Variants in ALCAM observed in about 807,000 individuals in gnomAD.
ALCAM encodes CD166 antigen.
In ALCAM, 30 loss-of-function variants were observed where a neutral mutation model predicts 70.9. That is an observed-to-expected ratio of 0.42 (90% CI 0.32 to 0.57). The LOEUF is 0.57. Ranked by LOEUF, ALCAM falls within the 20% of genes least tolerant of loss-of-function variation. ALCAM has a pLI of 0.11. For synonymous variants in ALCAM, 249 were observed against 242.5 expected (o/e 1.03, Z -0.25); for missense variants, 591 against 695.1 (o/e 0.85, Z 1.68).
At chr3:105,444,600 C>G (rs956510779) in intron 1 of ALCAM, among the ~76,000 whole-genome samples, 3 of 152,118 alleles carry the variant, frequency 2.0e-5, no homozygotes, top group Non-Finnish European at 4.4e-5. Flanking sequence ...CAAAATACAT[C>G]CTAAAATTTG....
chr3:105,558,663 T>G (rs1310177904), intron 14 of ALCAM, among the ~76,000 whole-genome samples: 1 of 152,268 alleles, frequency 6.6e-6, no homozygotes, highest in East Asian at 1.9e-4. Flanking sequence ...TGAAAGTAAC[T>G]TTAGCCCTTT....
At chr3:105,546,674 T>G (rs1940255451) in intron 9 of ALCAM, among the ~76,000 whole-genome samples, 2 of 151,472 alleles carry the variant, frequency 1.3e-5, no homozygotes, top group Admixed American at 1.3e-4. Context: ...GAATTAACTG[T>G]CATGAACAGC....
intron 14 of ALCAM, among the ~76,000 whole-genome samples, chr3:105,567,034 T>C (rs1940758228): frequency 6.6e-6 from 1 of 152,166 alleles, no homozygotes. Flanking sequence ...ATATAAAATT[T>C]TGGGTTTAAA....
At chr3:105,385,255 G>C (rs2107342338) in intron 1 of ALCAM, among the ~76,000 whole-genome samples, 1 of 151,572 alleles carries the variant, frequency 6.6e-6, no homozygotes, top group Non-Finnish European at 1.5e-5. Context: ...ATGTAAATAG[G>C]ATTAGATTGA....
chr3:105,555,171 G>A (rs1940490363), intron 14 of ALCAM, among the ~76,000 whole-genome samples: 1 of 151,928 alleles, frequency 6.6e-6, no homozygotes, highest in African/African-American at 2.4e-5. Context: ...AGAGCCTCAA[G>A]CATTTCCTTT....
At chr3:105,528,248 A>G (rs1032732905) in intron 3 of ALCAM, among the ~76,000 whole-genome samples, 2 of 152,158 alleles carry the variant, frequency 1.3e-5, no homozygotes, top group African/African-American at 2.4e-5. Flanking sequence ...AGCTGGCTAC[A>G]TGCCAAAAAA....
At chr3:105,554,314 A>T (rs1207841820) in intron 14 of ALCAM, among the ~76,000 whole-genome samples, 1 of 151,904 alleles carries the variant, frequency 6.6e-6, no homozygotes, top group Non-Finnish European at 1.5e-5. Flanking sequence ...TTTCAGTCCC[A>T]GACTGGAAGC....
intron 1 of ALCAM, among the ~76,000 whole-genome samples, chr3:105,395,270 A>T (rs1252953592): frequency 6.6e-6 from 1 of 151,962 alleles, no homozygotes; most frequent in South Asian, 2.1e-4. Flanking sequence ...TTCAGGTTGT[A>T]CAATCTTCAA....
intron 1 of ALCAM, among the ~76,000 whole-genome samples, chr3:105,401,976 C>T (rs933337484): frequency 4.6e-5 from 7 of 151,436 alleles, no homozygotes; most frequent in Admixed American, 1.3e-4. Flanking sequence ...TGATTGCAAA[C>T]GACTGCTTGA....
intron 1 of ALCAM, among the ~76,000 whole-genome samples, chr3:105,437,467 A>G (rs1037987111): frequency 4.6e-5 from 7 of 152,264 alleles, no homozygotes; most frequent in Admixed American, 3.3e-4. Context: ...GGCAAAAATG[A>G]GACTAAAACA....
chr3:105,514,967 A>G (rs1407041974), intron 1 of ALCAM, among the ~76,000 whole-genome samples: 3 of 151,966 alleles, frequency 2.0e-5, no homozygotes, highest in Non-Finnish European at 4.4e-5. Context: ...TTTCTATTTC[A>G]CAAAATGACA....
At chr3:105,440,092 A>C (rs144267701) in intron 1 of ALCAM, among the ~76,000 whole-genome samples, 181 of 152,324 alleles carry the variant, frequency 1.2e-3, no homozygotes, top group African/African-American at 4.2e-3. Context: ...TTTACAAGGA[A>C]CTCTACTAAT....
intron 1 of ALCAM, among the ~76,000 whole-genome samples, chr3:105,415,241 CAG>C (rs535866505): frequency 6.7e-4 from 102 of 152,226 alleles, no homozygotes; most frequent in African/African-American, 2.3e-3. Context: ...CCTTTGGTCT[CAG>C]AGAGTTTTAA....
intron 1 of ALCAM, among the ~76,000 whole-genome samples, chr3:105,412,772 A>G (rs1936421563): frequency 6.6e-6 from 1 of 152,116 alleles, no homozygotes; most frequent in African/African-American, 2.4e-5. Context: ...TACTTGGAAT[A>G]TGTGTGAATA....
intron 1 of ALCAM, among the ~76,000 whole-genome samples, chr3:105,493,957 A>G (rs1234028779): frequency 6.6e-6 from 1 of 152,318 alleles, no homozygotes; most frequent in East Asian, 1.9e-4. Context: ...TAGCTTTTCA[A>G]GCTCATCACT....
chr3:105,442,454 G>T (rs976155583), intron 1 of ALCAM, among the ~76,000 whole-genome samples: 9 of 152,138 alleles, frequency 5.9e-5, no homozygotes, highest in African/African-American at 1.7e-4. Context: ...GAGAAAAAAA[G>T]ATTTTTAAAA....
intron 1 of ALCAM, among the ~76,000 whole-genome samples, chr3:105,446,876 G>A (rs576136565): frequency 1.3e-5 from 2 of 152,188 alleles, no homozygotes; most frequent in South Asian, 2.1e-4. Flanking sequence ...GGAAGGATGG[G>A]GAGAAACTGA....
At chr3:105,402,938 C>CTTTTTTTTTTTTTTTTTTTT (rs58126212) in intron 1 of ALCAM, among the ~76,000 whole-genome samples, 5 of 117,256 alleles carry the variant, frequency 4.3e-5, no homozygotes, top group Non-Finnish European at 7.2e-5. Flanking sequence ...AGCTGATGCG[C>CTTTTTTTTTTTTTTTTTTTT]TTTTTTTTTT....
At chr3:105,428,737 T>A (rs1010272635) in intron 1 of ALCAM, among the ~76,000 whole-genome samples, 2 of 151,990 alleles carry the variant, frequency 1.3e-5, no homozygotes, top group Non-Finnish European at 2.9e-5. Flanking sequence ...AAAGCAAAGT[T>A]AGATCAATAC....
Sources: allele counts gnomAD v4.1 joint callset (sites outside exome capture counted in the v4.1 genomes callset), GRCh38; gene constraint gnomAD v4.1.1; transcripts MANE v1.5; gene names NCBI Gene and HGNC (gene_info 2026-07-23, HGNC 2026-07-21).